AMN1: variants seen among roughly 807,000 people sequenced by gnomAD.
The protein encoded by AMN1 is antagonist of mitotic exit network 1 homolog, also known as protein AMN1 homolog.
A neutral mutation model predicts 33.0 loss-of-function variants in AMN1; 20 were observed. The ratio of observed to expected loss-of-function variants is 0.61; its 90% CI spans 0.43 to 0.88. AMN1 has a LOEUF of 0.88. Among genes scored for constraint, AMN1 ranks in the 40% least tolerant of loss-of-function variants. The pLI is 0.00. For missense variants in AMN1, 246 were observed against 307.4 expected (o/e 0.80, Z 1.49); for synonymous variants, 114 against 111.9 (o/e 1.02, Z -0.12).
rs150113214 is a variant in AMN1 at position 31,711,219 on chromosome 12, C to T, written c.39-1794G>A. Among the ~76,000 whole-genome samples, 462 of 151,972 alleles carry T rather than the reference C, an allele frequency of 3.0e-3. 5 individuals carry two copies. Among genetic ancestry groups the T allele is most frequent in the African/African-American group, 0.01 (433 of 41,488 alleles). ...TAATTTTAATTTTATTTATTCTTTC[C>T]ATTTCTTTGTTATCTCCATTTCCCA... On this transcript the variant is annotated intron_variant, in intron 1 of 6. Transcript: ENST00000281471.
At chr12:31,728,865 G>A (rs1940188130) in intron 1 of AMN1, 106 bp downstream of exon 1, 1 of 1,329,800 alleles carries the variant, frequency 7.5e-7, no homozygotes, top group South Asian at 1.4e-5. Flanking sequence ...TTCAGAGGTC[G>A]GCGGGGGGGG....
intron 1 of AMN1, among the ~76,000 whole-genome samples, chr12:31,724,892 T>C (rs1177039722): frequency 6.6e-6 from 1 of 152,236 alleles, no homozygotes; most frequent in African/African-American, 2.4e-5. Context: ...GACTATTGAA[T>C]GGCCACAAAG....
In AMN1 at chr12:31,676,606, G is replaced by A. The variant is rs559104295; in HGVS notation, c.704-4229C>T. ...CAAAGTGCTGCAATTACAGGTGTGA[G>A]CCACCGCGCCTGGCCAACACTTCCC... On this transcript the variant is annotated intron_variant, in intron 6 of 6. Transcript: ENST00000281471. 1.6e-4 allele frequency among the ~76,000 whole-genome samples: 24 copies of A among 146,658 alleles called. 1 individual carries two copies. The highest frequency in any genetic ancestry group is 6.0e-4 in the African/African-American group (24 of 40,004).
intron 2 of AMN1, among the ~76,000 whole-genome samples, chr12:31,702,480 A>T (rs1262351217): frequency 6.6e-6 from 1 of 152,122 alleles, no homozygotes; most frequent in Non-Finnish European, 1.5e-5. Flanking sequence ...AAAATACCCC[A>T]GTATTATTGG....
chr12:31,700,997 G>T (rs114923876), intron 3 of AMN1, among the ~76,000 whole-genome samples: 6,268 of 141,804 alleles, frequency 0.044, 149 homozygotes, highest in South Asian at 0.069. Flanking sequence ...CCAATTTTTT[G>T]TTGTTGTTGT....
rs2139687470 is a variant in AMN1, at chr12:31,697,929, T to G, written c.345A>C (p.Ser115=). ...EGIKAVASSC[S]YLHEASLKRC... ...TTTTCAAAGAAGCTTCGTGTAGGTA[T>G]GAACAAGATGAAGCCACAGCTTTTA... The change falls in exon 4 of 7, where the codon TCA becomes TCC. Residue 115 remains serine, a synonymous_variant. Transcript: ENST00000281471. 3 of 1,614,004 alleles carry G rather than the reference T, an allele frequency of 1.9e-6. No individual in the cohort carries two copies. In the South Asian group the frequency reaches 3.3e-5, roughly 18 times the overall value.
At chr12:31,728,196 T>A (rs1354521527) in intron 1 of AMN1, among the ~76,000 whole-genome samples, 1 of 152,204 alleles carries the variant, frequency 6.6e-6, no homozygotes, top group Non-Finnish European at 1.5e-5. Context: ...CTCCTTATCC[T>A]TAAGATGTCT....
chr12:31,729,109 G>T, upstream of AMN1: 1 of 1,322,350 alleles, frequency 7.6e-7, no homozygotes, highest in East Asian at 2.7e-5. Flanking sequence ...GTAGGTTTTT[G>T]TGACGTCACA....
chr12:31,689,254 A>C, intron 5 of AMN1, 136 bp from the exon 6 acceptor site: 1 of 628,618 alleles, frequency 1.6e-6, no homozygotes, highest in Non-Finnish European at 2.7e-6. Context: ...GAAAAGACCA[A>C]TATAAGTCTG....
chr12:31,675,021 CAA>C (rs61067188), intron 6 of AMN1, among the ~76,000 whole-genome samples: 133 of 129,754 alleles, frequency 1.0e-3, no homozygotes, highest in Non-Finnish European at 9.6e-4. Flanking sequence ...GACCCAGTGT[CAA>C]AAAAAAAAAA....
intron 1 of AMN1, among the ~76,000 whole-genome samples, chr12:31,724,096 T>C (rs1939973858): frequency 6.6e-6 from 1 of 152,148 alleles, no homozygotes; most frequent in South Asian, 2.1e-4. Flanking sequence ...CCTGAAATCA[T>C]GGATAGTACT....
chr12:31,709,194 T>C (rs752287347), intron 2 of AMN1, 99 bp downstream of exon 2: 2 of 1,373,948 alleles, frequency 1.5e-6, no homozygotes, highest in Admixed American at 4.0e-5. Context: ...AAATTAAAAA[T>C]GATTACCAGT....
intron 6 of AMN1, among the ~76,000 whole-genome samples, chr12:31,681,693 T>C (rs1052390231): frequency 1.3e-5 from 2 of 152,226 alleles, no homozygotes; most frequent in East Asian, 1.9e-4. Flanking sequence ...ATTTTAGTTT[T>C]AGTCTTAGCA....
chr12:31,714,395 C>G (rs1163799737), intron 1 of AMN1: 2 of 152,250 alleles, frequency 1.3e-5, no homozygotes, highest in African/African-American at 4.8e-5. Context: ...GGCACAATCA[C>G]AGCTCACTGC....
chr12:31,694,140 TAA>T (rs372135890), intron 5 of AMN1, among the ~76,000 whole-genome samples: 3 of 142,570 alleles, frequency 2.1e-5, no homozygotes, highest in East Asian at 2.1e-4. Flanking sequence ...GAGTAGTTAG[TAA>T]AAAAAAAAAA....
intron 6 of AMN1, among the ~76,000 whole-genome samples, chr12:31,686,722 T>C (rs924178673): frequency 1.3e-5 from 2 of 152,146 alleles, no homozygotes; most frequent in Non-Finnish European, 2.9e-5. Context: ...ATACTGAAAG[T>C]GAAAAAAATG....
chr12:31,721,829 G>A (rs1471188285), intron 1 of AMN1, among the ~76,000 whole-genome samples: 2 of 152,154 alleles, frequency 1.3e-5, no homozygotes, highest in Non-Finnish European at 1.5e-5. Context: ...CCATGGTAAT[G>A]GCTCATTCTC....
At chr12:31,675,944 T>C (rs148735664) in intron 6 of AMN1, among the ~76,000 whole-genome samples, 1 of 152,030 alleles carries the variant, frequency 6.6e-6, no homozygotes, top group East Asian at 1.9e-4. Context: ...GTAGATGTTA[T>C]ACTGTGTATA....
intron 2 of AMN1, among the ~76,000 whole-genome samples, chr12:31,706,184 C>T (rs993809052): frequency 4.6e-5 from 7 of 151,382 alleles, no homozygotes; most frequent in East Asian, 3.9e-4. Flanking sequence ...TGGTGGCGGG[C>T]GCCTGTAGTC....
Sources: gnomAD v4.1 joint callset for allele counts (sites outside exome capture counted in the v4.1 genomes callset) on GRCh38, gnomAD v4.1.1 for gene constraint, MANE v1.5 for transcripts, NCBI Gene and HGNC (gene_info 2026-07-23, HGNC 2026-07-21) for gene names.